APC2: variants seen among roughly 807,000 people sequenced by gnomAD.
APC2 encodes the protein adenomatous polyposis coli protein 2.
APC2 carries 41 observed loss-of-function variants against 72.5 expected under a neutral mutation model. The ratio of observed to expected loss-of-function variants is 0.57; its 90% CI spans 0.44 to 0.73. The LOEUF (loss-of-function observed/expected upper bound fraction) is 0.73, where lower values mean the gene tolerates loss of function less well. Among genes scored for constraint, APC2 ranks in the 30% least tolerant of loss-of-function variants. The pLI is 0.00. For missense variants in APC2, 3,729 were observed against 3,403.4 expected (o/e 1.10, Z -2.38); for synonymous variants, 1,898 against 1,612.0 (o/e 1.18, Z -4.25).
Position 1,466,819 on chromosome 19 carries a change from G to T in APC2, c.3518G>T (p.Ser1173Ile). The change falls in exon 15 of 15, where the codon AGC becomes ATC. Residue 1173 changes from serine to isoleucine, a missense_variant. By Grantham distance (142) the Ser-to-Ile change is moderately radical (BLOSUM62 -2). Coordinates refer to ENST00000590469, the MANE Select transcript of APC2 (RefSeq NM_005883.3). ...GTGAGCTCGCTGGGCAGCTTCGAGA[G>T]CCCGTCCATCGCCAGCTCCATCCCC... ...SSVSSLGSFE[S>I]PSIASSIPSE... The T allele has an allele frequency of 6.4e-7, 1 of 1,554,054 alleles. No individual in the cohort carries two copies. Among genetic ancestry groups the T allele is most frequent in the Non-Finnish European group, 8.7e-7 (1 of 1,150,024 alleles).
Sources: gnomAD v4.1 joint callset for allele counts on GRCh38, gnomAD v4.1.1 for gene constraint, MANE v1.5 for transcripts, NCBI Gene and HGNC (gene_info 2026-07-23, HGNC 2026-07-21) for gene names.